UBR2: variants seen among roughly 807,000 people sequenced by gnomAD.
The protein encoded by UBR2 is ubiquitin protein ligase E3 component n-recognin 2, also known as E3 ubiquitin-protein ligase UBR2.
A neutral mutation model predicts 247.9 loss-of-function variants in UBR2; 92 were observed. That is an observed-to-expected ratio of 0.37 (90% CI 0.31 to 0.44). The LOEUF is 0.44. Among genes scored for constraint, UBR2 ranks in the 20% least tolerant of loss-of-function variants. The probability of loss-of-function intolerance (pLI) is 1.00; values close to 1 mark genes in which losing one functional copy is unlikely to be tolerated. For missense variants in UBR2, 1,613 were observed against 2,112.6 expected, an observed-to-expected ratio of 0.76 and a Z score of 4.64; for synonymous variants, 672 against 693.5, an observed-to-expected ratio of 0.97 and a Z score of 0.49.
At chr6:42,668,002 A>G (rs1001849653) in intron 34 of UBR2, among the ~76,000 whole-genome samples, 2 of 150,628 alleles carry the variant, frequency 1.3e-5, no homozygotes, top group East Asian at 3.9e-4. Context: ...CAGGTGATCC[A>G]CCCGCCTCAG....
chr6:42,606,713 C>T, intron 7 of UBR2, 62 bp downstream of exon 7: 1 of 1,377,686 alleles, frequency 7.3e-7, no homozygotes, highest in Non-Finnish European at 1.0e-6. Flanking sequence ...CTTCATATTT[C>T]AGCATTTATG....
At chr6:42,638,647 G>A (rs1796252134) in intron 15 of UBR2, among the ~76,000 whole-genome samples, 1 of 152,098 alleles carries the variant, frequency 6.6e-6, no homozygotes, top group Non-Finnish European at 1.5e-5. Context: ...ACAGGCAATT[G>A]ATGGCATGGT....
chr6:42,665,973 A>G (rs1485177500), intron 33 of UBR2, among the ~76,000 whole-genome samples, 194 bp from the exon 34 acceptor site: 3 of 152,204 alleles, frequency 2.0e-5, no homozygotes, highest in African/African-American at 7.2e-5. Flanking sequence ...TGGCTGTACT[A>G]TAAGGAAAAG....
In UBR2 at chr6:42,632,635, G is replaced by A; in HGVS notation, c.1365G>A (p.Gln455=). Residue 455 remains glutamine (Q), a synonymous_variant, in exon 12 of 47, where the codon CAG becomes CAA. Transcript: ENST00000372901. ...ATCATTTGAGACATCGAGATGCCCA[G>A]GGCAGATTTCAGTTTGAACGATACA... is the stretch of plus-strand genomic sequence containing the variant. ...FMDHLRHRDA[Q]GRFQFERYTA... The A allele has an allele frequency of 6.2e-7, 1 of 1,613,730 alleles. No individual in the cohort carries two copies. Among genetic ancestry groups the A allele is most frequent in the East Asian group, 2.2e-5 (1 of 44,848 alleles).
chr6:42,667,562 T>C (rs1798176069), intron 34 of UBR2, among the ~76,000 whole-genome samples: 1 of 148,596 alleles, frequency 6.7e-6, no homozygotes, highest in African/African-American at 2.5e-5. Flanking sequence ...ATTAGAATTA[T>C]ATTTCCTTTC....
intron 23 of UBR2, among the ~76,000 whole-genome samples, chr6:42,651,036 A>G (rs552269387): frequency 2.6e-5 from 4 of 152,232 alleles, no homozygotes; most frequent in African/African-American, 9.6e-5. Context: ...AGCCTGGCCA[A>G]CATGTTGAAA....
intron 36 of UBR2, among the ~76,000 whole-genome samples, chr6:42,672,214 G>C (rs1291472744): frequency 6.6e-6 from 1 of 152,092 alleles, no homozygotes; most frequent in Non-Finnish European, 1.5e-5. Context: ...TGCGTTTTTA[G>C]TAGAGATGGG....
chr6:42,642,998 A>C lies in UBR2; in HGVS notation c.2097+517A>C, dbSNP rs1410870835. Among the ~76,000 whole-genome samples the C allele has an allele frequency of 3.3e-5, 5 of 151,870 alleles. No individual in the cohort carries two copies. The East Asian group carries it at 9.7e-4, about 29-fold the overall frequency. Reference sequence around the variant, plus strand: ...CCACCCCTTCTTTTTCCATTTACGTAGCTAACTTATTTTCCTGCTTGTCTT... The same window carrying C: ...CCACCCCTTCTTTTTCCATTTACGTCGCTAACTTATTTTCCTGCTTGTCTT... On this transcript the variant is annotated intron_variant, in intron 18 of 46. Transcript: ENST00000372901.
chr6:42,574,072 G>A lies in UBR2; in HGVS notation c.338+79G>A, dbSNP rs865809882. 5.6e-5 allele frequency: 78 copies of A among 1,384,238 alleles called. No homozygotes were observed. In the African/African-American group the frequency reaches 9.5e-4, roughly 17 times the overall value. The allele number at this position is 1,384,238 out of a possible 1,614,324, so 85.7% of individuals were successfully genotyped here. ...TTTTCCCTGGAACTTTTGAGTTTTTGTTTAAAAATTATGAAATACCATATC... is the reference window on the plus strand; with the variant it reads ...TTTTCCCTGGAACTTTTGAGTTTTTATTTAAAAATTATGAAATACCATATC... On this transcript the variant is annotated intron_variant, in intron 2 of 46. Transcript: ENST00000372901.
intron 13 of UBR2, among the ~76,000 whole-genome samples, chr6:42,634,683 G>A (rs1418843226): frequency 6.6e-6 from 1 of 152,200 alleles, no homozygotes; most frequent in African/African-American, 2.4e-5. Context: ...TTGAATTCCT[G>A]ACCTCAAGTG....
chr6:42,622,405 G>GTTTTTTTTTTTTTTTTTTTTTT (rs112798050), intron 11 of UBR2, among the ~76,000 whole-genome samples: 2 of 138,784 alleles, frequency 1.4e-5, no homozygotes, highest in African/African-American at 5.4e-5. Flanking sequence ...TTTTTGGTGG[G>GTTTTTTTTTTTTTTTTTTTTTT]TTTTTTTTTT....
chr6:42,675,761 A>G (rs568180935), intron 38 of UBR2, among the ~76,000 whole-genome samples: 80 of 152,206 alleles, frequency 5.3e-4, no homozygotes, highest in African/African-American at 1.9e-3. Flanking sequence ...GGAGTTCGAG[A>G]CCAGCCTGGC....
At chr6:42,567,361 T>C (rs1790841435) in intron 1 of UBR2, among the ~76,000 whole-genome samples, 1 of 152,198 alleles carries the variant, frequency 6.6e-6, no homozygotes, top group Non-Finnish European at 1.5e-5. Flanking sequence ...AGTATGACTT[T>C]CCCAACACTT....
At chr6:42,673,003 T>C (rs1259594130) in intron 36 of UBR2, among the ~76,000 whole-genome samples, 1 of 152,230 alleles carries the variant, frequency 6.6e-6, no homozygotes, top group Non-Finnish European at 1.5e-5. Flanking sequence ...TACCCATCTT[T>C]TTCCATTAGC....
At chr6:42,585,756 C>A (rs1336767524) in intron 2 of UBR2, among the ~76,000 whole-genome samples, 1 of 152,072 alleles carries the variant, frequency 6.6e-6, no homozygotes, top group Non-Finnish European at 1.5e-5. Context: ...TCTGTGGTGT[C>A]TATAATGATG....
At chr6:42,573,313 T>C (rs1444743252) in intron 1 of UBR2, among the ~76,000 whole-genome samples, 1 of 152,206 alleles carries the variant, frequency 6.6e-6, no homozygotes, top group African/African-American at 2.4e-5. Context: ...ATATTGGCTG[T>C]TCATATTCAC....
chr6:42,576,522 C>CTTTT (rs58739895), intron 2 of UBR2, among the ~76,000 whole-genome samples: 35 of 86,130 alleles, frequency 4.1e-4, no homozygotes, highest in Non-Finnish European at 6.0e-4. Flanking sequence ...GCCTTTCCCT[C>CTTTT]TTTTTTTTTT....
chr6:42,658,409 TACTC>T (rs3830862), intron 28 of UBR2, 89 bp downstream of exon 28: 348,472 of 1,267,886 alleles, frequency 0.27, 50,149 homozygotes, highest in East Asian at 0.45. Context: ...AGTTGCCAGT[TACTC>T]ACAACATTTA....
At chr6:42,590,538 AAT>A (rs778368492) in intron 2 of UBR2, among the ~76,000 whole-genome samples, 18 of 152,368 alleles carry the variant, frequency 1.2e-4, no homozygotes, top group Non-Finnish European at 2.5e-4. Flanking sequence ...CCAGGCAAAT[AAT>A]ATGTTACAAA....
Sources: allele counts gnomAD v4.1 joint callset (sites outside exome capture counted in the v4.1 genomes callset), GRCh38; gene constraint gnomAD v4.1.1; transcripts MANE v1.5; gene names NCBI Gene and HGNC (gene_info 2026-07-23, HGNC 2026-07-21).